The following OXR1 variants were observed in gnomAD, a reference collection of about 807,000 sequenced individuals.
OXR1 encodes the protein oxidation resistance protein 1.
A neutral mutation model predicts 104.6 loss-of-function variants in OXR1; 41 were observed. The ratio of observed to expected loss-of-function variants is 0.39; its 90% confidence interval spans 0.31 to 0.51. The LOEUF (loss-of-function observed/expected upper bound fraction) is 0.51, where lower values mean the gene tolerates loss of function less well. Ranked by LOEUF, OXR1 falls within the 20% of genes least tolerant of loss-of-function variation. OXR1 has a pLI of 0.77. For synonymous variants in OXR1, 348 were observed against 348.4 expected (o/e 1.00, Z 0.01); for missense variants, 955 against 1,031.9 (o/e 0.93, Z 1.02).
At chr8:106,394,976 AT>A (rs1817718345) in intron 2 of OXR1, among the ~76,000 whole-genome samples, 2 of 152,282 alleles carry the variant, frequency 1.3e-5, no homozygotes, top group African/African-American at 4.8e-5. Flanking sequence ...ACGTTTACAA[AT>A]GTATGTTATA....
intron 1 of OXR1, among the ~76,000 whole-genome samples, chr8:106,356,321 TG>T (rs529354144): frequency 6.6e-6 from 1 of 152,152 alleles, no homozygotes; most frequent in Non-Finnish European, 1.5e-5. Flanking sequence ...GCAAGTTTCC[TG>T]AAGTAAATAC....
chr8:106,358,890 C>T (rs1352110041), intron 1 of OXR1, among the ~76,000 whole-genome samples: 3 of 151,240 alleles, frequency 2.0e-5, no homozygotes, highest in Non-Finnish European at 4.4e-5. Flanking sequence ...TAATTTAATT[C>T]ACTAAATAAT....
intron 3 of OXR1, among the ~76,000 whole-genome samples, chr8:106,668,313 G>A (rs1019310865): frequency 6.6e-6 from 1 of 152,172 alleles, no homozygotes; most frequent in Non-Finnish European, 1.5e-5. Flanking sequence ...ATGCAAGCCA[G>A]CCAGATTCTT....
At chr8:106,481,574 G>A (rs1822118937) in intron 2 of OXR1, among the ~76,000 whole-genome samples, 1 of 152,034 alleles carries the variant, frequency 6.6e-6, no homozygotes, top group Non-Finnish European at 1.5e-5. Flanking sequence ...AAGCTAGAGA[G>A]CCCGGAGGGT....
chr8:106,714,122 T>C lies in OXR1; in HGVS notation c.1956+137T>C, dbSNP rs1034493455. 8 of 607,934 alleles carry C rather than the reference T, an allele frequency of 1.3e-5. No individual in the cohort carries two copies. The African/African-American group carries it at 1.4e-4, about 10-fold the overall frequency. 37.7% of individuals were successfully genotyped at this position (607,934 alleles called of 1,614,324 possible). On this transcript the variant is annotated intron_variant, in intron 11 of 16. Coordinates refer to ENST00000517566, the MANE Select transcript of OXR1 (RefSeq NM_001198533.2). ...AGGTCAGGTTCACTATCCGTGTTTA[T>C]TTGTGGTTATTGAATGAATCTGAAT...
chr8:106,565,778 G>A (rs1331081455), intron 3 of OXR1, among the ~76,000 whole-genome samples: 3 of 151,986 alleles, frequency 2.0e-5, no homozygotes, highest in Non-Finnish European at 4.4e-5. Context: ...TACCAAAACA[G>A]GTATGTAGAC....
chr8:106,453,271 T>C (rs1267089854), intron 2 of OXR1, among the ~76,000 whole-genome samples: 1 of 152,202 alleles, frequency 6.6e-6, no homozygotes. Context: ...GACTCTTCTT[T>C]GTATTCCCTG....
intron 2 of OXR1, among the ~76,000 whole-genome samples, chr8:106,450,232 C>T (rs933062584): frequency 2.0e-5 from 3 of 152,190 alleles, no homozygotes; most frequent in East Asian, 1.9e-4. Flanking sequence ...TTCCTCATAA[C>T]GCTGCAATTT....
intron 3 of OXR1, among the ~76,000 whole-genome samples, chr8:106,623,480 T>C (rs1297380468): frequency 6.6e-6 from 1 of 151,796 alleles, no homozygotes; most frequent in Admixed American, 6.6e-5. Context: ...TGAGGACATA[T>C]TTGTTACATG....
At chr8:106,322,484 G>A (rs1173064452) in intron 1 of OXR1, among the ~76,000 whole-genome samples, 1 of 152,092 alleles carries the variant, frequency 6.6e-6, no homozygotes, top group Non-Finnish European at 1.5e-5. Flanking sequence ...TTGAAAATCA[G>A]CACAAGACAA....
chr8:106,544,476 A>G (rs564282392), intron 3 of OXR1, among the ~76,000 whole-genome samples: 122 of 152,290 alleles, frequency 8.0e-4, no homozygotes, highest in Middle Eastern at 3.4e-3. Flanking sequence ...TGTTCTTTAC[A>G]GTATATCTGA....
At chr8:106,285,048 A>G (rs1189342274) in intron 1 of OXR1, among the ~76,000 whole-genome samples, 1 of 152,240 alleles carries the variant, frequency 6.6e-6, no homozygotes, top group Non-Finnish European at 1.5e-5. Context: ...TACATGTGCC[A>G]TGTTGGTGTG....
intron 3 of OXR1, among the ~76,000 whole-genome samples, chr8:106,618,996 G>T (rs1821472253): frequency 6.6e-6 from 1 of 152,132 alleles, no homozygotes; most frequent in Non-Finnish European, 1.5e-5. Flanking sequence ...ACTGAGGCGT[G>T]TAAGTAACCT....
chr8:106,614,311 GACATTTAAGTC>G (rs1206284066), intron 3 of OXR1, among the ~76,000 whole-genome samples: 2 of 152,132 alleles, frequency 1.3e-5, no homozygotes, highest in Non-Finnish European at 2.9e-5. Flanking sequence ...AATAAACCTA[GACATTTAAGTC>G]ACTTTATCAC....
intron 3 of OXR1, among the ~76,000 whole-genome samples, chr8:106,532,513 A>T (rs1814173181): frequency 6.6e-6 from 1 of 152,234 alleles, no homozygotes; most frequent in Admixed American, 6.5e-5. Flanking sequence ...TGCTTAAATG[A>T]TCCTGGCACA....
chr8:106,725,643 G>A (rs1489705115), intron 11 of OXR1, among the ~76,000 whole-genome samples: 5 of 152,132 alleles, frequency 3.3e-5, no homozygotes, highest in Admixed American at 2.0e-4. Flanking sequence ...TTGAATATTT[G>A]TGTAGGATTT....
chr8:106,375,373 T>C (rs1816868244), intron 2 of OXR1, among the ~76,000 whole-genome samples: 1 of 152,242 alleles, frequency 6.6e-6, no homozygotes, highest in Non-Finnish European at 1.5e-5. Flanking sequence ...ATTGTTTACT[T>C]CTAGGTTCTC....
rs542717134 is a variant in OXR1 at position 106,706,522 on chromosome 8, T to C, written c.1001T>C (p.Leu334Pro). 1.9e-6 allele frequency: 3 copies of C among 1,606,556 alleles called. No homozygotes were observed. The highest frequency in any genetic ancestry group is 2.2e-5 in the South Asian group (2 of 89,374). Residue 334 changes from leucine to proline, a missense_variant, in exon 9 of 17, where the codon CTT becomes CCT. Coordinates refer to ENST00000517566, the MANE Select transcript of OXR1 (RefSeq NM_001198533.2). ...GCTCCTAGGAGCACTGAGGAGTCTC[T>C]TTCTGAAGATGTGTTCACAGAATCA... is the stretch of plus-strand genomic sequence containing the variant. ...STAPRSTEES[L>P]SEDVFTESEL...
rs377494264 is a variant in OXR1 at position 106,748,723 on chromosome 8, C to T, written c.2487-2083C>T. 2.2e-4 allele frequency among the ~76,000 whole-genome samples: 34 copies of T among 151,880 alleles called. No individual in the cohort carries two copies. The South Asian group carries it at 4.8e-3, about 21-fold the overall frequency. On this transcript the variant is annotated intron_variant, in intron 16 of 16. Transcript: ENST00000517566. Reference sequence around the variant, plus strand: ...AGCTGGAATTACAGGCGCCCACCACCACGCCTAGCTAACTTTTGTATTTTT... The same window carrying T: ...AGCTGGAATTACAGGCGCCCACCACTACGCCTAGCTAACTTTTGTATTTTT...
Sources: allele counts gnomAD v4.1 joint callset (sites outside exome capture counted in the v4.1 genomes callset), GRCh38; gene constraint gnomAD v4.1.1; transcripts MANE v1.5; gene names NCBI Gene and HGNC (gene_info 2026-07-23, HGNC 2026-07-21).